The following TMC1 variants were observed in gnomAD, a reference collection of about 807,000 sequenced individuals.
TMC1 encodes transmembrane channel like 1.
A neutral mutation model predicts 105.8 loss-of-function variants in TMC1; 84 were observed. The observed-to-expected ratio is 0.79, with a 90% CI of 0.67 to 0.95. The LOEUF (loss-of-function observed/expected upper bound fraction) is 0.95. Among genes scored for constraint, TMC1 ranks in the 40% least tolerant of loss-of-function variants. TMC1 has a pLI of 0.00. For missense variants in TMC1, 817 were observed against 914.1 expected, an observed-to-expected ratio of 0.89 and a Z score of 1.37; for synonymous variants, 315 against 311.5, an observed-to-expected ratio of 1.01 and a Z score of -0.12.
intron 18 of TMC1, among the ~76,000 whole-genome samples, chr9:72,806,857 G>C (rs563541329): frequency 5.9e-5 from 9 of 152,184 alleles, no homozygotes; most frequent in African/African-American, 2.2e-4. Context: ...CTTCCCAGAC[G>C]GGGTGGCAGC....
At chr9:72,700,703 C>T in intron 8 of TMC1, 60 bp downstream of exon 8, 1 of 801,712 alleles carries the variant, frequency 1.2e-6, no homozygotes, top group Non-Finnish European at 2.0e-6. Flanking sequence ...TCTAAATCCT[C>T]TGAATATTCC....
chr9:72,522,627 T>A (rs1050611425), intron 1 of TMC1, among the ~76,000 whole-genome samples: 1 of 152,184 alleles, frequency 6.6e-6, no homozygotes, highest in Non-Finnish European at 1.5e-5. Context: ...GTAAGCCACC[T>A]TTACCTCTGG....
intron 4 of TMC1, 31 bp downstream of exon 4, chr9:72,628,094 G>A (rs1308767085): frequency 1.1e-5 from 5 of 455,458 alleles, no homozygotes; most frequent in Admixed American, 2.4e-5. Context: ...TATTGAGCAC[G>A]TTTTGGTGCC....
intron 5 of TMC1, among the ~76,000 whole-genome samples, chr9:72,650,234 T>G (rs1825778419): frequency 6.6e-6 from 1 of 152,148 alleles, no homozygotes; most frequent in South Asian, 2.1e-4. Flanking sequence ...ATAAAATGGG[T>G]AAAAATCAAT....
chr9:72,781,303 G>A (rs1295800387), intron 13 of TMC1, among the ~76,000 whole-genome samples: 1 of 151,938 alleles, frequency 6.6e-6, no homozygotes, highest in African/African-American at 2.4e-5. Flanking sequence ...AGAATCTTTG[G>A]GACCCAGTTA....
intron 8 of TMC1, among the ~76,000 whole-genome samples, chr9:72,722,306 A>T (rs1204610652): frequency 2.6e-5 from 4 of 152,096 alleles, no homozygotes; most frequent in African/African-American, 9.7e-5. Context: ...TTCTAATTTG[A>T]ACTGTATTTT....
chr9:72,584,181 A>T (rs989389074), intron 2 of TMC1, among the ~76,000 whole-genome samples: 1 of 152,218 alleles, frequency 6.6e-6, no homozygotes, highest in Non-Finnish European at 1.5e-5. Context: ...GGCCTTTAAA[A>T]GATAAAGAGG....
rs533844619 is a variant in TMC1, at chr9:72,765,144, T to C, written c.742-7269T>C. ...GGAATTCTTAGCCAAATGGTCTTGC[T>C]GATTTAGAACCCCAAATTAGCCATT... On this transcript the variant is annotated intron_variant, in intron 12 of 23. Coordinates refer to ENST00000297784, the MANE Select transcript of TMC1 (RefSeq NM_138691.3). Among the ~76,000 whole-genome samples, 3 of 152,312 alleles carry C rather than the reference T, an allele frequency of 2.0e-5. No homozygotes were observed. In the East Asian group the frequency reaches 5.8e-4, roughly 29 times the overall value.
chr9:72,704,568 T>C (rs1231059346), intron 8 of TMC1, among the ~76,000 whole-genome samples: 1 of 152,194 alleles, frequency 6.6e-6, no homozygotes, highest in Non-Finnish European at 1.5e-5. Context: ...TGTGAATCCA[T>C]ATTAATCCTC....
chr9:72,550,389 G>A lies in TMC1; in HGVS notation c.-427-27513G>A, dbSNP rs138607335. On this transcript the variant is annotated intron_variant, in intron 1 of 23. Transcript: ENST00000297784. The stretch of plus-strand genomic sequence containing the variant: ...GCTGAGGCAGGAGAATTGCTTCAAG[G>A]AACCCAGGAAGCAGAGGTTGCAGAG... 4.5e-3 allele frequency among the ~76,000 whole-genome samples: 686 copies of A among 151,124 alleles called. 6 individuals carry two copies. The highest frequency in any genetic ancestry group is 0.016 in the African/African-American group (658 of 41,210).
In TMC1 at chr9:72,640,872, C is replaced by T. The variant is rs540927237; in HGVS notation, c.-52-7725C>T. Among the ~76,000 whole-genome samples the T allele has an allele frequency of 2.0e-5, 3 of 152,212 alleles. No homozygotes were observed. The South Asian group carries it at 6.2e-4, about 32-fold the overall frequency. On this transcript the variant is annotated intron_variant, in intron 4 of 23. Coordinates refer to ENST00000297784, the MANE Select transcript of TMC1 (RefSeq NM_138691.3). The stretch of plus-strand genomic sequence containing the variant: ...GATCTCAATCTCCTGACCTCATGAT[C>T]CACCCGCCTCGGCCTCCCAAAGTGC...
chr9:72,805,155 TA>T, intron 17 of TMC1: 1 of 389,820 alleles, frequency 2.6e-6, no homozygotes, highest in Non-Finnish European at 4.6e-6. Flanking sequence ...AATTTCTCAG[TA>T]AGAAGAAAAC....
chr9:72,563,899 CAAAAAAAA>C (rs71357586), intron 1 of TMC1, among the ~76,000 whole-genome samples: 5 of 52,174 alleles, frequency 9.6e-5, no homozygotes, highest in African/African-American at 4.0e-4. Context: ...AACTCTGGCT[CAAAAAAAA>C]AAAAAAAAAA....
chr9:72,626,626 A>G (rs1587997732), intron 3 of TMC1, among the ~76,000 whole-genome samples: 1 of 152,224 alleles, frequency 6.6e-6, no homozygotes, highest in Non-Finnish European at 1.5e-5. Flanking sequence ...AGAGTATTTC[A>G]GAAAGAAGAG....
chr9:72,573,530 G>A (rs9942926), intron 1 of TMC1, among the ~76,000 whole-genome samples: 21,173 of 152,146 alleles, frequency 0.14, 2,074 homozygotes, highest in African/African-American at 0.26. Flanking sequence ...AGTCCTGTGC[G>A]TAAACTTTGG....
At chr9:72,528,358 G>C (rs2132055452) in intron 1 of TMC1, among the ~76,000 whole-genome samples, 1 of 150,486 alleles carries the variant, frequency 6.6e-6, no homozygotes, top group Non-Finnish European at 1.5e-5. Context: ...TTTTGAGACG[G>C]AGTTTCGCTC....
At chr9:72,770,222 A>G (rs1049951495) in intron 12 of TMC1, among the ~76,000 whole-genome samples, 1 of 151,706 alleles carries the variant, frequency 6.6e-6, no homozygotes, top group Non-Finnish European at 1.5e-5. Flanking sequence ...ATGGCATCCT[A>G]GTCAGGGTTC....
chr9:72,764,017 T>A (rs1009171212), intron 12 of TMC1, among the ~76,000 whole-genome samples: 2 of 152,090 alleles, frequency 1.3e-5, no homozygotes. Flanking sequence ...ACTAATAGAT[T>A]AAAGGATGAG....
At chr9:72,554,744 A>G (rs977197552) in intron 1 of TMC1, among the ~76,000 whole-genome samples, 1 of 152,236 alleles carries the variant, frequency 6.6e-6, no homozygotes, top group Non-Finnish European at 1.5e-5. Flanking sequence ...CGTGTGATTT[A>G]TAAGGGGCTT....
Sources: gnomAD v4.1 joint callset for allele counts (sites outside exome capture counted in the v4.1 genomes callset) on GRCh38, gnomAD v4.1.1 for gene constraint, MANE v1.5 for transcripts, NCBI Gene and HGNC (gene_info 2026-07-23, HGNC 2026-07-21) for gene names.